CD1D: variants seen among roughly 807,000 people sequenced by gnomAD.
The protein encoded by CD1D is antigen-presenting glycoprotein CD1d.
CD1D carries 40 observed loss-of-function variants against 42.1 expected under a neutral mutation model. The observed-to-expected ratio is 0.95, with a 90% CI of 0.74 to 1.24. CD1D has a LOEUF of 1.24. CD1D is among the 50% of genes most tolerant of loss of function. The probability of loss-of-function intolerance (pLI) is 0.00; values close to 1 mark genes in which losing one functional copy is unlikely to be tolerated. For missense variants in CD1D, 437 were observed against 416.5 expected, an observed-to-expected ratio of 1.05 and a Z score of -0.43; for synonymous variants, 178 against 171.8, an observed-to-expected ratio of 1.04 and a Z score of -0.28.
chr1:158,182,081 C>A lies in CD1D; in HGVS notation c.378C>A (p.Asn126Lys), dbSNP rs772184982. Reference sequence around the variant, plus strand: ...CTGGCTGTGAGGTGCACCCTGGGAACGCCTCAAATAACTTCTTCCATGTAG... The same window carrying A: ...CTGGCTGTGAGGTGCACCCTGGGAAAGCCTCAAATAACTTCTTCCATGTAG... The part of the protein sequence containing the change: ...VSAGCEVHPG[N>K]ASNNFFHVAF... The change falls in exon 3 of 6, where the codon AAC (asparagine) becomes AAA (lysine). Residue 126 changes from asparagine (N) to lysine (K), a missense_variant. Transcript: ENST00000674085. 1.9e-6 allele frequency: 3 copies of A among 1,613,758 alleles called. No homozygotes were observed. Among genetic ancestry groups the A allele is most frequent in the Admixed American group, 1.7e-5 (1 of 60,012 alleles).
rs749310429 is a variant in CD1D at position 158,181,089 on chromosome 1, C to G, written c.-13C>G. On this transcript the variant is annotated 5_prime_UTR_variant, in exon 1 of 6. Transcript: ENST00000674085. ...GCGCAGCGGCGCTCCGCGAGGTCCC[C>G]ACGCCGGGCGATATGGGGTGCCTGC... 15 of 1,544,056 alleles carry G rather than the reference C, an allele frequency of 9.7e-6. No homozygotes were observed. In the South Asian group the frequency reaches 1.7e-4, roughly 17 times the overall value.
rs915209055 is a variant in CD1D at position 158,181,955 on chromosome 1, TGC to T, written c.329-76_329-75del. The stretch of plus-strand genomic sequence containing the variant: ...TGAAGTCTGGGTCCCCATTATAACC[TGC>T]ACATCAATTTCTTCTCTTTCATCTC... On this transcript the variant is annotated intron_variant, in intron 2 of 5. Transcript: ENST00000674085. The T allele has an allele frequency of 2.7e-6, 4 of 1,507,310 alleles. No homozygotes were observed. In the Admixed American group the frequency reaches 6.5e-5, roughly 24 times the overall value. 93.4% of individuals were successfully genotyped at this position (1,507,310 alleles called of 1,614,324 possible). A position where few individuals can be genotyped will look rare whatever the true frequency, so the allele number is the denominator to read the frequency against.
At chr1:158,184,091 T>C (rs780858150) in intron 5 of CD1D, 38 bp from the exon 6 acceptor site, 1 of 1,613,802 alleles carries the variant, frequency 6.2e-7, no homozygotes, top group Non-Finnish European at 8.5e-7. Context: ...CTGGCTTCCC[T>C]TTTCCTTAAT....
rs1283870523 is a variant in CD1D, at chr1:158,181,076, T to C, written c.-26T>C. ...GTCAGAGGGCGGCGCGCAGCGGCGCTCCGCGAGGTCCCCACGCCGGGCGAT... is the reference window on the plus strand; with the variant it reads ...GTCAGAGGGCGGCGCGCAGCGGCGCCCCGCGAGGTCCCCACGCCGGGCGAT... On this transcript the variant is annotated 5_prime_UTR_variant, in exon 1 of 6. Coordinates refer to ENST00000674085, the MANE Select transcript of CD1D (RefSeq NM_001371762.2). The C allele has an allele frequency of 1.6e-5, 24 of 1,536,184 alleles. No homozygotes were observed. In the East Asian group the frequency reaches 5.6e-4, roughly 36 times the overall value.
At chr1:158,178,357 A>C (rs200896792), upstream of CD1D, among the ~76,000 whole-genome samples, 3 of 152,194 alleles carry the variant, frequency 2.0e-5, no homozygotes, top group East Asian at 5.8e-4. Flanking sequence ...CGTTGGTATT[A>C]TCCTCCTGAT....
At chr1:158,183,592 C>G (rs1479943589) in intron 4 of CD1D, among the ~76,000 whole-genome samples, 4 of 152,162 alleles carry the variant, frequency 2.6e-5, no homozygotes, top group African/African-American at 9.7e-5. Context: ...AAGTACTGCT[C>G]TTTTCGTTAT....
chr1:158,183,273 G>A (rs1648544717), intron 4 of CD1D, 117 bp downstream of exon 4: 1 of 1,239,326 alleles, frequency 8.1e-7, no homozygotes, highest in East Asian at 2.5e-5. Context: ...TCAGAGATGA[G>A]GCCCCCAGTA....
rs936094261 is a variant in CD1D at position 158,181,036 on chromosome 1, G to A, written c.-66G>A. 2.4e-5 allele frequency: 33 copies of A among 1,381,808 alleles called. No homozygotes were observed. The highest frequency in any genetic ancestry group is 1.9e-6 in the Non-Finnish European group (2 of 1,025,766). The allele number at this position is 1,381,808 out of a possible 1,614,324, so 85.6% of individuals were successfully genotyped here. On this transcript the variant is annotated 5_prime_UTR_variant, in exon 1 of 6. Coordinates refer to ENST00000674085, the MANE Select transcript of CD1D (RefSeq NM_001371762.2). ...AAGGGACGTGAGCTGAGCGGCGGGG[G>A]AGAAGAGTGCGCAGGTCAGAGGGCG... is the stretch of plus-strand genomic sequence containing the variant.
chr1:158,178,118 A>T (rs140905351), upstream of CD1D, among the ~76,000 whole-genome samples: 35 of 152,284 alleles, frequency 2.3e-4, 2 homozygotes, highest in African/African-American at 7.7e-4. Context: ...CTTTTAGTGG[A>T]TCTCCAGGTT....
Position 158,182,314 on chromosome 1 carries a change from A to G in CD1D, c.607+4A>G, listed in dbSNP as rs766991117. ...AAGTCGGAACTGAAGAAGCAAGGTCAGCCTGCCTTCCTTACTCCCTGCATT... is the reference window on the plus strand; with the variant it reads ...AAGTCGGAACTGAAGAAGCAAGGTCGGCCTGCCTTCCTTACTCCCTGCATT... On this transcript the variant is annotated splice_donor_region_variant and intron_variant, in intron 3 of 5. Transcript: ENST00000674085. 6.2e-7 allele frequency: 1 copy of G among 1,614,130 alleles called. No homozygotes were observed. The highest frequency in any genetic ancestry group is 1.1e-5 in the South Asian group (1 of 91,070).
chr1:158,181,864 C>T, intron 2 of CD1D, 143 bp downstream of exon 2: 1 of 1,367,960 alleles, frequency 7.3e-7, no homozygotes, highest in Non-Finnish European at 1.0e-6. Flanking sequence ...TGGAGATGTC[C>T]CAGGCTTTGA....
Position 158,181,038 on chromosome 1 carries a change from G to T in CD1D, c.-64G>T. On this transcript the variant is annotated 5_prime_UTR_variant, in exon 1 of 6. Coordinates refer to ENST00000674085, the MANE Select transcript of CD1D (RefSeq NM_001371762.2). Reference sequence around the variant, plus strand: ...GGGACGTGAGCTGAGCGGCGGGGGAGAAGAGTGCGCAGGTCAGAGGGCGGC... The same window carrying T: ...GGGACGTGAGCTGAGCGGCGGGGGATAAGAGTGCGCAGGTCAGAGGGCGGC... 7.2e-7 allele frequency: 1 copy of T among 1,386,550 alleles called. No individual in the cohort carries two copies. Among genetic ancestry groups the T allele is most frequent in the Non-Finnish European group, 9.7e-7 (1 of 1,030,612 alleles). 85.9% of individuals were successfully genotyped at this position (1,386,550 alleles called of 1,614,324 possible).
At chr1:158,179,076 A>G (rs1558041926), upstream of CD1D, among the ~76,000 whole-genome samples, 1 of 152,194 alleles carries the variant, frequency 6.6e-6, no homozygotes, top group Non-Finnish European at 1.5e-5. Flanking sequence ...AGCACTTAAA[A>G]TTTTTAAGAT....
Position 158,182,064 on chromosome 1 carries a change from G to A in CD1D, c.361G>A (p.Glu121Lys). The A allele has an allele frequency of 6.2e-7, 1 of 1,612,944 alleles. No individual in the cohort carries two copies. Among genetic ancestry groups the A allele is most frequent in the Non-Finnish European group, 8.5e-7 (1 of 1,179,244 alleles). ...GGAGCTCCAGGTGTCCGCTGGCTGT[G>A]AGGTGCACCCTGGGAACGCCTCAAA... ...PLELQVSAGC[E>K]VHPGNASNNF... Residue 121 changes from glutamate (E) to lysine (K), a missense_variant, in exon 3 of 6, where the codon GAG becomes AAG. Transcript: ENST00000674085.
chr1:158,183,643 G>A (rs991890122), intron 4 of CD1D, among the ~76,000 whole-genome samples: 3 of 152,192 alleles, frequency 2.0e-5, no homozygotes, highest in African/African-American at 7.2e-5. Context: ...TAACTGCCCG[G>A]AGCCACATAG....
At chr1:158,181,250 G>A in intron 1 of CD1D, 88 bp downstream of exon 1, 1 of 1,480,458 alleles carries the variant, frequency 6.8e-7, no homozygotes, top group Non-Finnish European at 9.2e-7. Context: ...GCCTGATGGG[G>A]ACTGGTGAGA....
In CD1D at chr1:158,184,269, C is replaced by A; in HGVS notation, c.*119C>A. 9.8e-7 allele frequency: 1 copy of A among 1,022,536 alleles called. No homozygotes were observed. Among genetic ancestry groups the A allele is most frequent in the Non-Finnish European group, 1.5e-6 (1 of 672,440 alleles). 63.3% of individuals were successfully genotyped at this position (1,022,536 alleles called of 1,614,324 possible). A position where few individuals can be genotyped will look rare whatever the true frequency, so the allele number is the denominator to read the frequency against. On this transcript the variant is annotated 3_prime_UTR_variant, in exon 6 of 6. Transcript: ENST00000674085. The stretch of plus-strand genomic sequence containing the variant: ...TAAGGAATTGAAGATAGGAGAGATA[C>A]CTTGAAAAAGTAGAGAACAGTCATG...
Position 158,186,199 on chromosome 1 carries a change from T to G in CD1D, c.*2049T>G, listed in dbSNP as rs1648696552. 6.6e-6 allele frequency among the ~76,000 whole-genome samples: 1 copy of G among 152,182 alleles called. No homozygotes were observed. The highest frequency in any genetic ancestry group is 2.4e-5 in the African/African-American group (1 of 41,426). ...AAAAGATGTGGAGGCTGTTGCTGTG[T>G]TTGGTACCACATTGCCCACCCTCAC... On this transcript the variant is annotated 3_prime_UTR_variant, in exon 6 of 6. Coordinates refer to ENST00000674085, the MANE Select transcript of CD1D (RefSeq NM_001371762.2).
intron 4 of CD1D, 41 bp downstream of exon 4, chr1:158,183,197 G>A: frequency 1.3e-6 from 2 of 1,566,214 alleles, no homozygotes; most frequent in East Asian, 2.3e-5. Flanking sequence ...GGCAGGAGGT[G>A]GTCCTCAGGC....
Sources: gnomAD v4.1 joint callset for allele counts (sites outside exome capture counted in the v4.1 genomes callset) on GRCh38, gnomAD v4.1.1 for gene constraint, MANE v1.5 for transcripts, NCBI Gene and HGNC (gene_info 2026-07-23, HGNC 2026-07-21) for gene names.